Variants in SF3B3 observed in about 807,000 individuals in gnomAD.
The protein encoded by SF3B3 is SAP 130.
Under a neutral mutation model 139.2 loss-of-function variants are expected in SF3B3, and 33 were observed. The observed-to-expected ratio is 0.24, with a 90% CI of 0.18 to 0.32. The LOEUF (loss-of-function observed/expected upper bound fraction) is 0.32. Ranked by LOEUF, SF3B3 falls within the 10% of genes least tolerant of loss-of-function variation. The pLI, the probability that SF3B3 is intolerant of heterozygous loss-of-function variation, is 1.00. For synonymous variants in SF3B3, 596 were observed against 563.6 expected, an observed-to-expected ratio of 1.06 and a Z score of -0.81; for missense variants, 818 against 1,509.4, an observed-to-expected ratio of 0.54 and a Z score of 7.59.
In SF3B3 at chr16:70,571,959, G is replaced by C. The variant is rs2050533471; in HGVS notation, c.*146G>C. 5 of 973,358 alleles carry C rather than the reference G, an allele frequency of 5.1e-6. No individual in the cohort carries two copies. Among genetic ancestry groups the C allele is most frequent in the Non-Finnish European group, 6.1e-6 (4 of 650,540 alleles). 60.3% of individuals were successfully genotyped at this position (973,358 alleles called of 1,614,324 possible). ...GAAAGTCAACAGCTCTTTCCCCTCA[G>C]CTCTTCTCCTGGAATGACTGGCTTC... On this transcript the variant is annotated 3_prime_UTR_variant, in exon 26 of 26. Coordinates refer to ENST00000302516, the MANE Select transcript of SF3B3 (RefSeq NM_012426.5).
At chr16:70,541,240 C>T (rs2050216707) in intron 8 of SF3B3, among the ~76,000 whole-genome samples, 2 of 152,116 alleles carry the variant, frequency 1.3e-5, no homozygotes, top group Admixed American at 6.6e-5. Context: ...ATTTGTGTAT[C>T]TTTGGAGAAA....
chr16:70,561,849 GC>G (rs1333199390), intron 17 of SF3B3, 65 bp downstream of exon 17: 14 of 1,447,928 alleles, frequency 9.7e-6, no homozygotes, highest in Non-Finnish European at 1.3e-5. Context: ...GACTGGTTCT[GC>G]CAGAGTGTTG....
At chr16:70,530,678 A>G (rs1265211430) in intron 3 of SF3B3, 67 bp from the exon 4 acceptor site, 1 of 1,270,906 alleles carries the variant, frequency 7.9e-7, no homozygotes, top group African/African-American at 1.5e-5. Context: ...ATGTGACTCT[A>G]GCTGTTCTAT....
chr16:70,556,497 A>G (rs2050380799), intron 14 of SF3B3, 163 bp downstream of exon 14: 2 of 734,412 alleles, frequency 2.7e-6, no homozygotes, highest in Non-Finnish European at 4.6e-6. Context: ...AGTGTGTTTC[A>G]GGAGTTTCCT....
rs2050545235 is a variant in SF3B3 at position 70,573,103 on chromosome 16, A to G, written c.*1290A>G. 1 of 152,226 alleles carries G rather than the reference A, an allele frequency of 6.6e-6. No individual in the cohort carries two copies. The highest frequency in any genetic ancestry group is 1.5e-5 in the Non-Finnish European group (1 of 68,024). The allele number at this position is 152,226 out of a possible 1,614,324, so 9.4% of individuals were successfully genotyped here. A position where few individuals can be genotyped will look rare whatever the true frequency, so the allele number is the denominator to read the frequency against. ...AACAGAGGGTTCCTGACACTGTGAC[A>G]CTGTCTCCTGGAACTAAGTATCTCT... On this transcript the variant is annotated 3_prime_UTR_variant, in exon 26 of 26. Coordinates refer to ENST00000302516, the MANE Select transcript of SF3B3 (RefSeq NM_012426.5).
At chr16:70,556,124 G>A (rs1353864999) in intron 13 of SF3B3, 55 bp from the exon 14 acceptor site, 6 of 1,572,834 alleles carry the variant, frequency 3.8e-6, no homozygotes, top group Admixed American at 1.7e-5. Context: ...GTGAATTGGA[G>A]CATCTAGACC....
At chr16:70,556,448 G>C in intron 14 of SF3B3, 114 bp downstream of exon 14, 1 of 1,191,488 alleles carries the variant, frequency 8.4e-7, no homozygotes, top group Non-Finnish European at 1.2e-6. Context: ...AGCTGGGTTA[G>C]AACCCAGAAT....
At chr16:70,537,060 C>T (rs1476933372) in intron 6 of SF3B3, among the ~76,000 whole-genome samples, 2 of 152,100 alleles carry the variant, frequency 1.3e-5, no homozygotes, top group South Asian at 4.1e-4. Flanking sequence ...CTGCCTGCCT[C>T]AGCCTCCCAA....
chr16:70,540,018 G>A (rs1055074182), intron 8 of SF3B3, among the ~76,000 whole-genome samples: 1 of 149,274 alleles, frequency 6.7e-6, no homozygotes, highest in Non-Finnish European at 1.5e-5. Context: ...TCAGGTGATC[G>A]CCTGCCTCGA....
chr16:70,525,366 G>A (rs1361358694), intron 1 of SF3B3, among the ~76,000 whole-genome samples: 1 of 152,088 alleles, frequency 6.6e-6, no homozygotes, highest in Admixed American at 6.6e-5. Flanking sequence ...CTGATCCTCC[G>A]AAATGCACCT....
chr16:70,561,827 G>T, intron 17 of SF3B3, 43 bp downstream of exon 17: 1 of 1,580,130 alleles, frequency 6.3e-7, no homozygotes, highest in African/African-American at 1.3e-5. Flanking sequence ...AAGCCTTTCT[G>T]CCAAGGGCTC....
chr16:70,554,223 CAAG>C (rs1230665988), intron 11 of SF3B3: 3 of 423,050 alleles, frequency 7.1e-6, no homozygotes, highest in African/African-American at 6.0e-5. Flanking sequence ...GCAGATGTCT[CAAG>C]AAAATATTGA....
chr16:70,542,332 C>G (rs2050226740), intron 9 of SF3B3, among the ~76,000 whole-genome samples: 1 of 152,170 alleles, frequency 6.6e-6, no homozygotes, highest in Admixed American at 6.5e-5. Context: ...TTTAATTTTA[C>G]CACAGTTCCT....
At chr16:70,552,021 C>T (rs980503589) in intron 11 of SF3B3, among the ~76,000 whole-genome samples, 1 of 152,212 alleles carries the variant, frequency 6.6e-6, no homozygotes, top group African/African-American at 2.4e-5. Context: ...GTTGAATTGT[C>T]TAGCAAAAGT....
At chr16:70,557,667 G>GT (rs775531006) in intron 15 of SF3B3, among the ~76,000 whole-genome samples, 4 of 151,758 alleles carry the variant, frequency 2.6e-5, no homozygotes, top group East Asian at 3.9e-4. Context: ...TATTTTTTTA[G>GT]TTTTTTTTCT....
intron 10 of SF3B3, among the ~76,000 whole-genome samples, chr16:70,546,888 C>A (rs1030885634): frequency 6.6e-6 from 1 of 151,686 alleles, no homozygotes; most frequent in African/African-American, 2.4e-5. Context: ...ATTAGCCAGG[C>A]GTGGTGGCGG....
At chr16:70,530,408 G>A (rs550371495) in intron 3 of SF3B3, among the ~76,000 whole-genome samples, 43 of 150,152 alleles carry the variant, frequency 2.9e-4, no homozygotes, top group South Asian at 6.3e-4. Flanking sequence ...CAACCTTTGC[G>A]TCTCAGGTTC....
intron 7 of SF3B3, 27 bp downstream of exon 7, chr16:70,538,487 T>C (rs1440495163): frequency 6.3e-7 from 1 of 1,585,854 alleles, no homozygotes; most frequent in African/African-American, 1.3e-5. Flanking sequence ...TGGACCAGTA[T>C]AGCTACTCTA....
intron 14 of SF3B3, 81 bp from the exon 15 acceptor site, chr16:70,556,805 C>T: frequency 6.6e-7 from 1 of 1,526,388 alleles, no homozygotes. Flanking sequence ...TTTTTCAATC[C>T]TAGAATTAGA....
Sources: gnomAD v4.1 joint callset for allele counts (sites outside exome capture counted in the v4.1 genomes callset) on GRCh38, gnomAD v4.1.1 for gene constraint, MANE v1.5 for transcripts, NCBI Gene and HGNC (gene_info 2026-07-23, HGNC 2026-07-21) for gene names.